RBP3: variants seen among roughly 807,000 people sequenced by gnomAD.
The protein encoded by RBP3 is retinol-binding protein 3.
A neutral mutation model predicts 64.8 loss-of-function variants in RBP3; 50 were observed. The ratio of observed to expected loss-of-function variants is 0.77; its 90% CI spans 0.61 to 0.98. RBP3 has a LOEUF of 0.98. RBP3 is among the 50% of genes least tolerant of loss of function. RBP3 has a pLI of 0.00. For missense variants in RBP3, 1,712 were observed against 1,660.5 expected (o/e 1.03, Z -0.54); for synonymous variants, 828 against 730.2 (o/e 1.13, Z -2.16).
Position 47,351,377 on chromosome 10 carries a change from C to G in RBP3, c.2893C>G (p.Leu965Val). 1 of 1,613,588 alleles carries G rather than the reference C, an allele frequency of 6.2e-7. No homozygotes were observed. The change falls in exon 1 of 4, where the codon CTG becomes GTG. Residue 965 changes from leucine (L) to valine (V), a missense_variant. Physicochemically the swap from Leu to Val is conservative, Grantham distance 32. Coordinates refer to ENST00000584701, the MANE Select transcript of RBP3 (RefSeq NM_002900.3). Reference sequence around the variant, plus strand: ...GCTGGGGGCCAAGATGGCCACCAAACTGAGCGGTCTGCAGAGCCGCTACTC... The same window carrying G: ...GCTGGGGGCCAAGATGGCCACCAAAGTGAGCGGTCTGCAGAGCCGCTACTC... ...AELGAKMATK[L>V]SGLQSRYSRV...
Position 47,349,623 on chromosome 10 carries a change from C to T in RBP3, c.1139C>T (p.Ser380Phe). Reference sequence around the variant, plus strand: ...CTCAATGCCGGCCTGCAGGCTGCGTCTGAGGATCCCAGGCTCCTGGTGCGA... The same window carrying T: ...CTCAATGCCGGCCTGCAGGCTGCGTTTGAGGATCCCAGGCTCCTGGTGCGA... ...TKLNAGLQAA[S>F]EDPRLLVRAI... is the part of the protein sequence containing the mutation. Residue 380 changes from serine to phenylalanine, a missense_variant, in exon 1 of 4, where the codon TCT (serine) becomes TTT (phenylalanine). Transcript: ENST00000584701. The T allele has an allele frequency of 6.2e-7, 1 of 1,612,710 alleles. No individual in the cohort carries two copies. Among genetic ancestry groups the T allele is most frequent in the Non-Finnish European group, 8.5e-7 (1 of 1,180,016 alleles).
chr10:47,353,633 G>T (rs1162669095), intron 2 of RBP3, 118 bp downstream of exon 2: 2 of 1,227,048 alleles, frequency 1.6e-6, no homozygotes, highest in Non-Finnish European at 1.2e-6. Context: ...AGGACCTGAG[G>T]GGGGCCAGGC....
intron 3 of RBP3, 129 bp downstream of exon 3, chr10:47,355,647 A>G: frequency 8.6e-7 from 1 of 1,160,354 alleles, no homozygotes; most frequent in South Asian, 1.3e-5. Flanking sequence ...TCCAGGCACT[A>G]GATGTGCATG....
At chr10:47,355,606 A>C in intron 3 of RBP3, 88 bp downstream of exon 3, 2 of 1,557,374 alleles carry the variant, frequency 1.3e-6, no homozygotes, top group Non-Finnish European at 1.8e-6. Context: ...GGTAAAAGTC[A>C]TAGTAACCAG....
Position 47,357,335 on chromosome 10 carries a change from G to A in RBP3, c.3622G>A (p.Gly1208Arg), listed in dbSNP as rs1206764279. ...VGASDGSSWE[G>R]VGVTPHVVVP... Reference sequence around the variant, plus strand: ...GGCCTCGGATGGCAGCTCCTGGGAAGGGGTGGGGGTGACACCCCATGTGGT... The same window carrying A: ...GGCCTCGGATGGCAGCTCCTGGGAAAGGGTGGGGGTGACACCCCATGTGGT... The change falls in exon 4 of 4, where the codon GGG becomes AGG. Residue 1208 changes from glycine to arginine, a missense_variant. Coordinates refer to ENST00000584701, the MANE Select transcript of RBP3 (RefSeq NM_002900.3). 25 of 1,614,048 alleles carry A rather than the reference G, an allele frequency of 1.5e-5. No individual in the cohort carries two copies. Among genetic ancestry groups the A allele is most frequent in the Middle Eastern group, 3.3e-4 (2 of 6,084 alleles).
Position 47,350,660 on chromosome 10 carries a change from C to G in RBP3, c.2176C>G (p.Leu726Val). ...CCCTGCTGTCCCCTCTCCAGAGGAGCTCACCTACCTTATTGAGGCCCTGTT... is the reference window on the plus strand; with the variant it reads ...CCCTGCTGTCCCCTCTCCAGAGGAGGTCACCTACCTTATTGAGGCCCTGTT... ...PPPAVPSPEE[L>V]TYLIEALFKT... The change falls in exon 1 of 4, where the codon CTC (leucine) becomes GTC (valine). Residue 726 changes from leucine to valine, a missense_variant. Leu to Val is a conservative substitution (Grantham distance 32). Transcript: ENST00000584701. The G allele has an allele frequency of 6.2e-7, 1 of 1,612,946 alleles. No individual in the cohort carries two copies. The highest frequency in any genetic ancestry group is 8.5e-7 in the Non-Finnish European group (1 of 1,180,038).
At chr10:47,353,608 C>T in intron 2 of RBP3, 93 bp downstream of exon 2, 4 of 1,468,186 alleles carry the variant, frequency 2.7e-6, no homozygotes, top group South Asian at 1.1e-5. Context: ...GAAAAGGAAC[C>T]CTGTGACACA....
In RBP3 at chr10:47,348,537, G is replaced by A. The variant is rs864621997; in HGVS notation, c.53G>A (p.Gly18Asp). 6.2e-7 allele frequency: 1 copy of A among 1,611,390 alleles called. No homozygotes were observed. Among genetic ancestry groups the A allele is most frequent in the Non-Finnish European group, 8.5e-7 (1 of 1,180,012 alleles). ...TCCGTGCTGCTCTGTGGCCTGGCTG[G>A]CCCCACACACCTGTTCCAGCCAAGC... ...LMSVLLCGLA[G>D]PTHLFQPSLV... The change falls in exon 1 of 4, where the codon GGC becomes GAC. Residue 18 changes from glycine to aspartate, a missense_variant. Gly to Asp is a moderately conservative substitution (Grantham distance 94, BLOSUM62 -1). Transcript: ENST00000584701.
Position 47,350,403 on chromosome 10 carries a change from T to C in RBP3, c.1919T>C (p.Val640Ala), listed in dbSNP as rs886047019. 1.9e-6 allele frequency: 3 copies of C among 1,612,360 alleles called. No individual in the cohort carries two copies. The highest frequency in any genetic ancestry group is 2.2e-5 in the South Asian group (2 of 91,070). The change falls in exon 1 of 4, where the codon GTG becomes GCG. Residue 640 changes from valine (V) to alanine (A), a missense_variant. Val to Ala is a moderately conservative substitution (Grantham distance 64). Transcript: ENST00000584701. ...TTCCACCAAAGCCTGGGGGCCTTGG[T>C]GGAGGGCACAGGGCACCTGCTGGAG... is the stretch of plus-strand genomic sequence containing the variant. Reference protein sequence around the residue: ...LEFHQSLGALVEGTGHLLEAH... With the variant: ...LEFHQSLGALAEGTGHLLEAH...
intron 2 of RBP3, among the ~76,000 whole-genome samples, chr10:47,354,198 A>G (rs530206379): frequency 1.3e-5 from 2 of 152,336 alleles, no homozygotes; most frequent in South Asian, 4.1e-4. Context: ...GACCAGGGGT[A>G]GGAGGTGGAT....
At chr10:47,354,764 T>C (rs910731511) in intron 2 of RBP3, among the ~76,000 whole-genome samples, 11 of 152,096 alleles carry the variant, frequency 7.2e-5, no homozygotes, top group Non-Finnish European at 1.3e-4. Flanking sequence ...AGGCCATCAG[T>C]TGGACGAGGC....
rs1555211430 is a variant in RBP3 at position 47,350,733 on chromosome 10, C to T, written c.2249C>T (p.Ala750Val). 5 of 1,613,240 alleles carry T rather than the reference C, an allele frequency of 3.1e-6. No homozygotes were observed. The South Asian group carries it at 5.5e-5, about 18-fold the overall frequency. Residue 750 changes from alanine (A) to valine (V), a missense_variant, in exon 1 of 4, where the codon GCC becomes GTC. Ala to Val is a moderately conservative substitution (Grantham distance 64). Coordinates refer to ENST00000584701, the MANE Select transcript of RBP3 (RefSeq NM_002900.3). Reference sequence around the variant, plus strand: ...CAGCTGGGCTACCTGCGTTTTGACGCCATGGCTGAACTGGAGACAGTGAAG... The same window carrying T: ...CAGCTGGGCTACCTGCGTTTTGACGTCATGGCTGAACTGGAGACAGTGAAG... ...PGQLGYLRFD[A>V]MAELETVKAV...
At chr10:47,354,911 C>T (rs1349353663) in intron 2 of RBP3, among the ~76,000 whole-genome samples, 1 of 152,212 alleles carries the variant, frequency 6.6e-6, no homozygotes, top group Non-Finnish European at 1.5e-5. Context: ...TATTTCAATA[C>T]ACTAAGTGCC....
intron 1 of RBP3, among the ~76,000 whole-genome samples, chr10:47,352,401 A>G (rs1555211678): frequency 6.6e-6 from 1 of 152,220 alleles, no homozygotes; most frequent in African/African-American, 2.4e-5. Flanking sequence ...ACGGGTGGAA[A>G]GGCAGGGCTG....
chr10:47,355,344 C>G, intron 2 of RBP3, 32 bp from the exon 3 acceptor site: 3 of 1,612,658 alleles, frequency 1.9e-6, no homozygotes, highest in Non-Finnish European at 2.5e-6. Flanking sequence ...GTGAGCTCAG[C>G]CCCTGAACAG....
intron 1 of RBP3, 102 bp from the exon 2 acceptor site, chr10:47,353,223 G>T (rs1837001129): frequency 9.3e-7 from 1 of 1,075,828 alleles, no homozygotes; most frequent in Admixed American, 1.7e-5. Flanking sequence ...AGAAATGTTA[G>T]TTCCTGTCCC....
chr10:47,349,650 C>A lies in RBP3; in HGVS notation c.1166C>A (p.Ala389Asp). The A allele has an allele frequency of 6.2e-7, 1 of 1,612,204 alleles. No homozygotes were observed. Among genetic ancestry groups the A allele is most frequent in the Non-Finnish European group, 8.5e-7 (1 of 1,180,012 alleles). Residue 389 changes from alanine to aspartate, a missense_variant, in exon 1 of 4, where the codon GCC becomes GAC. By Grantham distance (126) the Ala-to-Asp change is moderately radical. Transcript: ENST00000584701. ...GAGGATCCCAGGCTCCTGGTGCGAG[C>A]CATCGGGCCCACAGAAACTCCTTCT... The part of the protein sequence containing the change: ...ASEDPRLLVR[A>D]IGPTETPSWP...
Position 47,349,520 on chromosome 10 carries a change from C to T in RBP3, c.1036C>T (p.Arg346Cys), listed in dbSNP as rs781791441. 23 of 1,613,008 alleles carry T rather than the reference C, an allele frequency of 1.4e-5. No individual in the cohort carries two copies. In the East Asian group the frequency reaches 2.5e-4, roughly 17 times the overall value. ...GAAGGACTACTACACGCTGGTGGAC[C>T]GTGTGCCCACCCTGCTGCAGCACTT... ...VLKDYYTLVD[R>C]VPTLLQHLAS... Residue 346 changes from arginine (R) to cysteine (C), a missense_variant, in exon 1 of 4, where the codon CGT becomes TGT. Physicochemically the swap from Arg to Cys is radical, Grantham distance 180. Transcript: ENST00000584701.
At position 47,357,673 on chromosome 10, in the gene RBP3, T is replaced by A. The variant is rs1588866616; in HGVS notation, c.*216T>A. The A allele has an allele frequency of 4.6e-6, 2 of 435,370 alleles. No individual in the cohort carries two copies. Among genetic ancestry groups the A allele is most frequent in the Non-Finnish European group, 8.1e-6 (2 of 247,640 alleles). The allele number at this position is 435,370 out of a possible 1,614,324, so 27.0% of individuals were successfully genotyped here. A position where few individuals can be genotyped will look rare whatever the true frequency, so the allele number is the denominator to read the frequency against. On this transcript the variant is annotated 3_prime_UTR_variant, in exon 4 of 4. Transcript: ENST00000584701. ...GTATATATATGTATATATATATGGC[T>A]TTCCAATAACCACCTAAATTTTAAC...
Sources: allele counts gnomAD v4.1 joint callset (sites outside exome capture counted in the v4.1 genomes callset), GRCh38; gene constraint gnomAD v4.1.1; transcripts MANE v1.5; gene names NCBI Gene and HGNC (gene_info 2026-07-23, HGNC 2026-07-21).